PDSS2: variants seen among roughly 807,000 people sequenced by gnomAD.
PDSS2 encodes the protein decaprenyl diphosphate synthase subunit 2.
A neutral mutation model predicts 44.5 loss-of-function variants in PDSS2; 31 were observed. The ratio of observed to expected loss-of-function variants is 0.70; its 90% CI spans 0.52 to 0.94. The LOEUF (loss-of-function observed/expected upper bound fraction) is 0.94, where lower values mean the gene tolerates loss of function less well. PDSS2 is among the 40% of genes least tolerant of loss of function. The pLI, the probability that PDSS2 is intolerant of heterozygous loss-of-function variation, is 0.00. For synonymous variants in PDSS2, 157 were observed against 180.3 expected, an observed-to-expected ratio of 0.87 and a Z score of 1.03; for missense variants, 452 against 482.2, an observed-to-expected ratio of 0.94 and a Z score of 0.59.
chr6:107,255,239 C>T (rs959081779), intron 3 of PDSS2, among the ~76,000 whole-genome samples: 1 of 143,258 alleles, frequency 7.0e-6, no homozygotes, highest in Non-Finnish European at 1.5e-5. Flanking sequence ...GTTGCCCAGG[C>T]TGAAGTGCAG....
At chr6:107,204,781 T>C (rs1401130839) in intron 6 of PDSS2, among the ~76,000 whole-genome samples, 2 of 152,220 alleles carry the variant, frequency 1.3e-5, no homozygotes, top group African/African-American at 4.8e-5. Flanking sequence ...TCTATATTTA[T>C]GTATTTATCT....
chr6:107,420,619 C>T (rs1304038259), intron 1 of PDSS2, among the ~76,000 whole-genome samples: 2 of 152,044 alleles, frequency 1.3e-5, no homozygotes, highest in Non-Finnish European at 2.9e-5. Flanking sequence ...ACTGGACATC[C>T]ATGGGCAAAA....
chr6:107,410,604 C>T (rs776939022), intron 1 of PDSS2, among the ~76,000 whole-genome samples: 8 of 151,798 alleles, frequency 5.3e-5, no homozygotes, highest in Middle Eastern at 3.4e-3. Context: ...TTCTCTGCTT[C>T]GGCCTCCCAA....
At chr6:107,210,102 AT>A (rs1221487543) in intron 6 of PDSS2, among the ~76,000 whole-genome samples, 1 of 152,130 alleles carries the variant, frequency 6.6e-6, no homozygotes, top group Non-Finnish European at 1.5e-5. Flanking sequence ...CAGATGGGAA[AT>A]TGCAGTCAGT....
chr6:107,307,783 A>T (rs1406405118), intron 2 of PDSS2, among the ~76,000 whole-genome samples: 1 of 152,176 alleles, frequency 6.6e-6, no homozygotes, highest in Non-Finnish European at 1.5e-5. Flanking sequence ...TAAAAAGGAA[A>T]CCAGCTTCCT....
At chr6:107,259,428 C>T (rs541615172) in intron 3 of PDSS2, among the ~76,000 whole-genome samples, 2 of 151,900 alleles carry the variant, frequency 1.3e-5, no homozygotes, top group African/African-American at 2.4e-5. Context: ...TTTGGGAGGC[C>T]AAGGTGGGCG....
At chr6:107,288,078 G>T (rs1776214381) in intron 2 of PDSS2, among the ~76,000 whole-genome samples, 1 of 152,010 alleles carries the variant, frequency 6.6e-6, no homozygotes, top group Non-Finnish European at 1.5e-5. Flanking sequence ...CCAACTCCTG[G>T]CCTGAAGCAA....
chr6:107,282,591 C>T (rs576526404), intron 2 of PDSS2, among the ~76,000 whole-genome samples: 6 of 151,094 alleles, frequency 4.0e-5, no homozygotes, highest in African/African-American at 1.5e-4. Context: ...TGGGGCCGGG[C>T]TCCGTGGTTC....
At chr6:107,289,360 G>A (rs571523596) in intron 2 of PDSS2, among the ~76,000 whole-genome samples, 2 of 144,500 alleles carry the variant, frequency 1.4e-5, no homozygotes, top group East Asian at 2.1e-4. Context: ...GTAACAGAGC[G>A]AGACTCTGTC....
At chr6:107,308,689 A>G (rs1476955062) in intron 2 of PDSS2, among the ~76,000 whole-genome samples, 1 of 152,202 alleles carries the variant, frequency 6.6e-6, no homozygotes, top group East Asian at 1.9e-4. Context: ...AGCACTTTAG[A>G]TTACTGAATG....
At chr6:107,261,133 C>A (rs1775207409) in intron 3 of PDSS2, among the ~76,000 whole-genome samples, 1 of 152,228 alleles carries the variant, frequency 6.6e-6, no homozygotes, top group Non-Finnish European at 1.5e-5. Flanking sequence ...ACAGCTGATT[C>A]CTGCCTTCGC....
At chr6:107,175,348 A>C (rs1188543575) in intron 7 of PDSS2, among the ~76,000 whole-genome samples, 1 of 152,204 alleles carries the variant, frequency 6.6e-6, no homozygotes, top group South Asian at 2.1e-4. Flanking sequence ...AAATTTAGGT[A>C]AGAGCAAGTT....
chr6:107,456,060 C>G (rs990345527), intron 1 of PDSS2, among the ~76,000 whole-genome samples: 22 of 152,038 alleles, frequency 1.4e-4, no homozygotes, highest in African/African-American at 5.1e-4. Context: ...TGGTGGCTCA[C>G]GCCTATAATC....
At chr6:107,250,187 C>A (rs896759991) in intron 3 of PDSS2, among the ~76,000 whole-genome samples, 1 of 151,476 alleles carries the variant, frequency 6.6e-6, no homozygotes, top group Non-Finnish European at 1.5e-5. Flanking sequence ...CTGACCCCCC[C>A]CCGCAAAAAA....
Position 107,337,665 on chromosome 6 carries a change from T to A in PDSS2, c.297-3333A>T, listed in dbSNP as rs112679983. ...TTCTTTCCTTGTTACTTTTTTGTGA[T>A]CTTATTTTTTTCTCAACTCTTAACA... On this transcript the variant is annotated intron_variant, in intron 1 of 7. Transcript: ENST00000369037. 2.3e-3 allele frequency among the ~76,000 whole-genome samples: 348 copies of A among 152,330 alleles called. 4 individuals are homozygous for A. Among genetic ancestry groups the A allele is most frequent in the African/African-American group, 8.2e-3 (341 of 41,572 alleles).
chr6:107,396,213 T>G (rs903325526), intron 1 of PDSS2, among the ~76,000 whole-genome samples: 1 of 152,170 alleles, frequency 6.6e-6, no homozygotes, highest in Non-Finnish European at 1.5e-5. Context: ...ACAGATTATC[T>G]AGAACTTTTT....
chr6:107,336,666 A>C (rs1454873219), intron 1 of PDSS2, among the ~76,000 whole-genome samples: 1 of 151,990 alleles, frequency 6.6e-6, no homozygotes, highest in South Asian at 2.1e-4. Context: ...AGAGCTTTTT[A>C]AATTTTTTTT....
chr6:107,315,301 T>C (rs1280510044), intron 2 of PDSS2, among the ~76,000 whole-genome samples: 1 of 152,226 alleles, frequency 6.6e-6, no homozygotes, highest in Non-Finnish European at 1.5e-5. Context: ...AGATACTTAA[T>C]GGATTTTGCC....
At chr6:107,268,530 C>T (rs942833199) in intron 3 of PDSS2, among the ~76,000 whole-genome samples, 4 of 152,080 alleles carry the variant, frequency 2.6e-5, no homozygotes, top group Middle Eastern at 3.4e-3. Context: ...TACAATAGAA[C>T]AATAACTTCT....
Sources: gnomAD v4.1 joint callset for allele counts (sites outside exome capture counted in the v4.1 genomes callset) on GRCh38, gnomAD v4.1.1 for gene constraint, MANE v1.5 for transcripts, NCBI Gene and HGNC (gene_info 2026-07-23, HGNC 2026-07-21) for gene names.